The following ADAMTSL1 variants were observed in gnomAD, a reference collection of about 807,000 sequenced individuals.
ADAMTSL1 encodes ADAMTS like 1.
Under a neutral mutation model 201.8 loss-of-function variants are expected in ADAMTSL1, and 126 were observed. That is an observed-to-expected ratio of 0.62 (90% confidence interval 0.54 to 0.72). ADAMTSL1 has a LOEUF of 0.72. Ranked by LOEUF, ADAMTSL1 falls within the 30% of genes least tolerant of loss-of-function variation. The pLI is 0.00. For missense variants in ADAMTSL1, 2,679 were observed against 2,277.8 expected (o/e 1.18, Z -3.59); for synonymous variants, 1,121 against 903.4 (o/e 1.24, Z -4.32).
At chr9:18,058,558 C>T (rs1003391672) in intron 1 of ADAMTSL1, among the ~76,000 whole-genome samples, 10 of 151,398 alleles carry the variant, frequency 6.6e-5, no homozygotes, top group African/African-American at 9.7e-5. Context: ...TAACTATAAA[C>T]GAGGATCTGG....
At chr9:18,471,380 C>G (rs1821204308), upstream of ADAMTSL1, among the ~76,000 whole-genome samples, 1 of 152,170 alleles carries the variant, frequency 6.6e-6, no homozygotes, top group Non-Finnish European at 1.5e-5. Context: ...AGTCAAGTCA[C>G]TTAACTTCTC....
chr9:18,034,278 T>C (rs566660425), intron 1 of ADAMTSL1, among the ~76,000 whole-genome samples: 55 of 152,242 alleles, frequency 3.6e-4, no homozygotes, highest in African/African-American at 1.3e-3. Context: ...TTCTTTAGCT[T>C]GGCATCTGCC....
intron 1 of ADAMTSL1, among the ~76,000 whole-genome samples, chr9:18,047,475 G>C (rs1176559290): frequency 6.6e-6 from 1 of 152,150 alleles, no homozygotes; most frequent in Non-Finnish European, 1.5e-5. Flanking sequence ...CCAAGGCTGA[G>C]AAACATTCCT....
chr9:18,081,644 A>C (rs1587002328), intron 1 of ADAMTSL1, among the ~76,000 whole-genome samples: 1 of 152,328 alleles, frequency 6.6e-6, no homozygotes, highest in East Asian at 1.9e-4. Context: ...TGAAATCAGG[A>C]ACATAGTTTT....
At chr9:18,174,657 A>AT (rs1479795576) in intron 2 of ADAMTSL1, among the ~76,000 whole-genome samples, 1 of 152,156 alleles carries the variant, frequency 6.6e-6, no homozygotes, top group Non-Finnish European at 1.5e-5. Flanking sequence ...GTAGGTAGAA[A>AT]TTTGCATCTT....
At chr9:18,183,858 T>C (rs562755392) in intron 2 of ADAMTSL1, among the ~76,000 whole-genome samples, 1 of 152,336 alleles carries the variant, frequency 6.6e-6, no homozygotes, top group East Asian at 1.9e-4. Context: ...ACTTTTCTAT[T>C]ATTTTGAATT....
chr9:17,991,438 G>A (rs1819145462), intron 1 of ADAMTSL1, among the ~76,000 whole-genome samples: 2 of 152,156 alleles, frequency 1.3e-5, no homozygotes, highest in African/African-American at 4.8e-5. Context: ...CAGGGACTAA[G>A]GAGAAACCTC....
chr9:18,540,186 T>C (rs1820037868), intron 3 of ADAMTSL1, among the ~76,000 whole-genome samples: 1 of 152,202 alleles, frequency 6.6e-6, no homozygotes, highest in African/African-American at 2.4e-5. Context: ...TCTCAGGCAC[T>C]TTTTCTAGGC....
chr9:18,615,500 T>C (rs1825646321), intron 4 of ADAMTSL1, among the ~76,000 whole-genome samples: 1 of 152,228 alleles, frequency 6.6e-6, no homozygotes, highest in South Asian at 2.1e-4. Context: ...TACCACTCAC[T>C]ATTGCCATAT....
chr9:18,861,564 A>G (rs977206695), intron 23 of ADAMTSL1, among the ~76,000 whole-genome samples: 3 of 152,252 alleles, frequency 2.0e-5, no homozygotes, highest in Non-Finnish European at 1.5e-5. Flanking sequence ...AAACAAATCA[A>G]TACTAGAAAT....
chr9:18,842,522 G>C (rs1035151002), intron 23 of ADAMTSL1, among the ~76,000 whole-genome samples: 4 of 152,312 alleles, frequency 2.6e-5, no homozygotes, highest in Middle Eastern at 3.4e-3. Context: ...CTGTTGATTT[G>C]GGGTGGAGAG....
chr9:18,635,829 A>C, intron 5 of ADAMTSL1, 114 bp from the exon 6 acceptor site: 3 of 820,890 alleles, frequency 3.7e-6, no homozygotes, highest in Non-Finnish European at 5.8e-6. Context: ...CATTTCAAAC[A>C]CTTAAAAAAA....
At chr9:18,314,059 C>T (rs537004109) in intron 2 of ADAMTSL1, among the ~76,000 whole-genome samples, 34 of 152,216 alleles carry the variant, frequency 2.2e-4, no homozygotes, top group African/African-American at 7.5e-4. Context: ...AACGTAAAAA[C>T]GCCAACAGGT....
intron 7 of ADAMTSL1, among the ~76,000 whole-genome samples, chr9:18,645,308 A>T (rs1037210254): frequency 2.6e-5 from 4 of 152,038 alleles, no homozygotes; most frequent in African/African-American, 9.7e-5. Context: ...AGATGAGTAG[A>T]TTGTTAAAAT....
chr9:18,359,571 G>C (rs1312602947), intron 2 of ADAMTSL1, among the ~76,000 whole-genome samples: 1 of 152,010 alleles, frequency 6.6e-6, no homozygotes, highest in African/African-American at 2.4e-5. Context: ...CTTCCCATTC[G>C]GATATGACTC....
chr9:17,958,349 C>T (rs1340116453), intron 1 of ADAMTSL1, among the ~76,000 whole-genome samples: 1 of 152,134 alleles, frequency 6.6e-6, no homozygotes, highest in Admixed American at 6.6e-5. Flanking sequence ...GGAGAAGAAG[C>T]AACTTGTAGA....
rs1413204392 is a variant in ADAMTSL1, at chr9:18,777,665, C to T, written c.3436C>T (p.Arg1146Trp). The T allele has an allele frequency of 3.7e-6, 6 of 1,613,368 alleles. No homozygotes were observed. The African/African-American group carries it at 5.3e-5, about 14-fold the overall frequency. ...KHVSGFSSSL[R>W]TSSTGDAGGG... The stretch of plus-strand genomic sequence containing the variant: ...CGTGTCTGGCTTCAGCAGCTCCCTG[C>T]GGACCTCCTCCACCGGGGACGCCGG... The change falls in exon 19 of 29, where the codon CGG becomes TGG. Residue 1146 changes from arginine (R) to tryptophan (W), a missense_variant. Transcript: ENST00000380548.
intron 2 of ADAMTSL1, among the ~76,000 whole-genome samples, chr9:18,282,102 T>G (rs59352273): frequency 1.6e-4 from 25 of 152,260 alleles, no homozygotes; most frequent in African/African-American, 6.0e-4. Context: ...TTTTCAATCC[T>G]TCCCCCGCTT....
At position 18,906,884 on chromosome 9, in the gene ADAMTSL1, G is replaced by A. The variant is rs777154403; in HGVS notation, c.5154G>A (p.Gln1718=). 1.2e-6 allele frequency: 2 copies of A among 1,613,980 alleles called. No individual in the cohort carries two copies. The highest frequency in any genetic ancestry group is 1.7e-6 in the Non-Finnish European group (2 of 1,179,866). ...CSWGPRPANW[Q]RCNITPCENM... ...GGGGGCCCCGGCCTGCCAACTGGCA[G>A]CGCTGCAACATCACCCCATGTGAAA... The change falls in exon 28 of 29, where the codon CAG becomes CAA. Residue 1718 remains glutamine, a synonymous_variant. Transcript: ENST00000380548.
Sources: allele counts gnomAD v4.1 joint callset (sites outside exome capture counted in the v4.1 genomes callset), GRCh38; gene constraint gnomAD v4.1.1; transcripts MANE v1.5; gene names NCBI Gene and HGNC (gene_info 2026-07-23, HGNC 2026-07-21).